ANO4: variants seen among roughly 807,000 people sequenced by gnomAD.
ANO4 encodes anoctamin 4.
ANO4 carries 69 observed loss-of-function variants against 141.9 expected under a neutral mutation model. The ratio of observed to expected loss-of-function variants is 0.49; its 90% confidence interval spans 0.40 to 0.59. The LOEUF is 0.59. Ranked by LOEUF, ANO4 falls within the 20% of genes least tolerant of loss-of-function variation. The probability of loss-of-function intolerance (pLI) is 0.00; values close to 1 mark genes in which losing one functional copy is unlikely to be tolerated. For missense variants in ANO4, 894 were observed against 1,162.2 expected (o/e 0.77, Z 3.36); for synonymous variants, 350 against 394.3 (o/e 0.89, Z 1.33).
Position 101,127,928 on chromosome 12 carries a change from T to G in ANO4, c.*72T>G, listed in dbSNP as rs915388836. ...TTCTTCTGGCTGTGCAAAAGCACAC[T>G]CAAGTGAATGACTAAAAATGCAACC... On this transcript the variant is annotated 3_prime_UTR_variant, in exon 28 of 28. Transcript: ENST00000392977. 1 of 151,938 alleles carries G rather than the reference T, an allele frequency of 6.6e-6. No individual in the cohort carries two copies. The highest frequency in any genetic ancestry group is 1.5e-5 in the Non-Finnish European group (1 of 68,038). 9.4% of individuals were successfully genotyped at this position (151,938 alleles called of 1,614,324 possible). A position where few individuals can be genotyped will look rare whatever the true frequency, so the allele number is the denominator to read the frequency against.
At position 100,987,565 on chromosome 12, in the gene ANO4, G is replaced by A. The variant is rs199651099; in HGVS notation, c.629G>A (p.Arg210Gln). 72 of 1,613,972 alleles carry A rather than the reference G, an allele frequency of 4.5e-5. No homozygotes were observed. The East Asian group carries it at 1.0e-3, about 22-fold the overall frequency. ...SRIDKQISRF[R>Q]RWLPKKPMRL... ...ATCGATAAACAAATAAGCAGGTTTC[G>A]GAGATGGTTACCTAAGAAGCCAATG... The change falls in exon 8 of 28, where the codon CGG (arginine) becomes CAG (glutamine). Residue 210 changes from arginine to glutamine, a missense_variant. Transcript: ENST00000392977.
At chr12:100,734,012 T>C (rs906810169) in intron 2 of ANO4, among the ~76,000 whole-genome samples, 2 of 152,220 alleles carry the variant, frequency 1.3e-5, no homozygotes, top group African/African-American at 2.4e-5. Context: ...CTCACTTTTC[T>C]GGATCGCCCT....
chr12:101,101,696 A>C (rs993643689), intron 22 of ANO4, among the ~76,000 whole-genome samples: 1 of 152,064 alleles, frequency 6.6e-6, no homozygotes, highest in Non-Finnish European at 1.5e-5. Flanking sequence ...GAAAAAAAAA[A>C]AGGCAAATTC....
intron 3 of ANO4, among the ~76,000 whole-genome samples, chr12:100,933,475 T>G (rs190548011): frequency 6.6e-6 from 1 of 152,226 alleles, no homozygotes; most frequent in South Asian, 2.1e-4. Context: ...CTGCATAGTA[T>G]TCCGTGGTGT....
At chr12:100,949,999 ACTT>A in intron 5 of ANO4, among the ~76,000 whole-genome samples, 3 of 152,270 alleles carry the variant, frequency 2.0e-5, no homozygotes, top group Middle Eastern at 6.8e-3. Context: ...TCCCTTGTAG[ACTT>A]CCTGCCCAAA....
intron 13 of ANO4, among the ~76,000 whole-genome samples, chr12:101,047,604 A>G (rs1432364313): frequency 6.6e-6 from 1 of 152,206 alleles, no homozygotes; most frequent in Non-Finnish European, 1.5e-5. Context: ...TTATGAACCT[A>G]TCAGTCATCA....
intron 1 of ANO4, among the ~76,000 whole-genome samples, chr12:100,836,015 A>T (rs1261102378): frequency 6.6e-6 from 1 of 152,178 alleles, no homozygotes; most frequent in Admixed American, 6.5e-5. Context: ...GGCCCTATTC[A>T]TTGGGTAGAA....
chr12:100,999,400 T>C lies in ANO4; in HGVS notation c.734+11730T>C, dbSNP rs1486603173. On this transcript the variant is annotated intron_variant, in intron 8 of 27. Coordinates refer to ENST00000392977, the MANE Select transcript of ANO4 (RefSeq NM_001286615.2). ...TCTTCACATCTTTTTCTTCTCTGAC[T>C]CTTTTGCTTTCCTCTTCCATTTTTA... is the stretch of plus-strand genomic sequence containing the variant. Among the ~76,000 whole-genome samples, 5 of 152,250 alleles carry C rather than the reference T, an allele frequency of 3.3e-5. No individual in the cohort carries two copies. The East Asian group carries it at 5.8e-4, about 18-fold the overall frequency.
At chr12:100,857,372 G>T (rs2038230445) in intron 1 of ANO4, among the ~76,000 whole-genome samples, 1 of 152,102 alleles carries the variant, frequency 6.6e-6, no homozygotes, top group Non-Finnish European at 1.5e-5. Flanking sequence ...GATAATAATA[G>T]CAACTGATAT....
At chr12:100,930,439 G>T (rs1265100457) in intron 3 of ANO4, among the ~76,000 whole-genome samples, 1 of 152,094 alleles carries the variant, frequency 6.6e-6, no homozygotes, top group Non-Finnish European at 1.5e-5. Flanking sequence ...TGAAGAGACT[G>T]TCCTTTCTCC....
chr12:100,933,260 C>T (rs1289669717), intron 3 of ANO4, among the ~76,000 whole-genome samples: 1 of 152,120 alleles, frequency 6.6e-6, no homozygotes, highest in Non-Finnish European at 1.5e-5. Flanking sequence ...CTAATGATAT[C>T]CCTCCCCGAG....
intron 8 of ANO4, among the ~76,000 whole-genome samples, chr12:101,018,342 C>T (rs889760845): frequency 4.6e-5 from 7 of 152,178 alleles, no homozygotes; most frequent in African/African-American, 1.4e-4. Flanking sequence ...ACCCACACAG[C>T]GTTTATCGCT....
At chr12:101,043,900 G>A (rs998716710) in intron 13 of ANO4, among the ~76,000 whole-genome samples, 1 of 152,118 alleles carries the variant, frequency 6.6e-6, no homozygotes, top group African/African-American at 2.4e-5. Flanking sequence ...AGAAAGTTAG[G>A]TCCAAATTTT....
At chr12:100,877,285 C>CA (rs998429052) in intron 1 of ANO4, among the ~76,000 whole-genome samples, 1 of 150,802 alleles carries the variant, frequency 6.6e-6, no homozygotes, top group Non-Finnish European at 1.5e-5. Flanking sequence ...GTTATAATCA[C>CA]AAAAAAAGAT....
At chr12:100,994,988 C>T (rs1302391816) in intron 8 of ANO4, among the ~76,000 whole-genome samples, 1 of 152,090 alleles carries the variant, frequency 6.6e-6, no homozygotes, top group Admixed American at 6.6e-5. Flanking sequence ...CTGTAATGCA[C>T]CCAACAGCTC....
At chr12:100,872,970 A>G (rs773248530) in intron 1 of ANO4, among the ~76,000 whole-genome samples, 1 of 152,146 alleles carries the variant, frequency 6.6e-6, no homozygotes, top group Non-Finnish European at 1.5e-5. Flanking sequence ...AGTTCTCACA[A>G]GATCTGGTTG....
intron 26 of ANO4, among the ~76,000 whole-genome samples, chr12:101,125,415 A>C (rs1238305052): frequency 6.6e-6 from 1 of 152,142 alleles, no homozygotes; most frequent in Non-Finnish European, 1.5e-5. Context: ...TCTGCAAAAA[A>C]AAGATAATTT....
At chr12:100,731,889 A>G (rs1051448998) in intron 1 of ANO4, among the ~76,000 whole-genome samples, 7 of 152,268 alleles carry the variant, frequency 4.6e-5, no homozygotes, top group African/African-American at 1.4e-4. Context: ...TTTATTTTCC[A>G]TTCCTCTATG....
At chr12:100,999,688 AAAG>A (rs1345080699) in intron 8 of ANO4, among the ~76,000 whole-genome samples, 1 of 152,128 alleles carries the variant, frequency 6.6e-6, no homozygotes, top group African/African-American at 2.4e-5. Flanking sequence ...GAAGGAAAGA[AAAG>A]AGAGAGGGAG....
Sources: allele counts gnomAD v4.1 joint callset (sites outside exome capture counted in the v4.1 genomes callset), GRCh38; gene constraint gnomAD v4.1.1; transcripts MANE v1.5; gene names NCBI Gene and HGNC (gene_info 2026-07-23, HGNC 2026-07-21).